Variants in FSHR observed in about 807,000 individuals in gnomAD.
FSHR encodes the protein follicle-stimulating hormone receptor.
Under a neutral mutation model 52.1 loss-of-function variants are expected in FSHR, and 46 were observed. That is an observed-to-expected ratio of 0.88 (90% CI 0.70 to 1.13). The LOEUF (loss-of-function observed/expected upper bound fraction) is 1.13. FSHR is among the 50% of genes most tolerant of loss of function. The pLI is 0.00. For missense variants in FSHR, 964 were observed against 834.6 expected (o/e 1.16, Z -1.91); for synonymous variants, 399 against 309.6 (o/e 1.29, Z -3.03).
In FSHR at chr2:49,151,129, T is replaced by C. The variant is rs1015576156; in HGVS notation, c.152+3137A>G. ...TAAAGCTGACTTCTGGTTTAAAATG[T>C]AAAGGATTACTCTTTTTTTTTTTTT... On this transcript the variant is annotated intron_variant, in intron 1 of 9. Transcript: ENST00000406846. 3.4e-5 allele frequency among the ~76,000 whole-genome samples: 5 copies of C among 148,310 alleles called. No homozygotes were observed. In the Admixed American group the frequency reaches 3.4e-4, roughly 10 times the overall value.
chr2:48,971,314 A>C (rs1674729805), intron 8 of FSHR, among the ~76,000 whole-genome samples: 1 of 152,210 alleles, frequency 6.6e-6, no homozygotes, highest in African/African-American at 2.4e-5. Context: ...GTAAAAGTGC[A>C]AATCTCATCC....
chr2:49,063,610 C>T (rs1669394167), intron 2 of FSHR, among the ~76,000 whole-genome samples: 2 of 151,910 alleles, frequency 1.3e-5, no homozygotes, highest in African/African-American at 4.8e-5. Context: ...TATGTGGAAG[C>T]TAAAAAAGTC....
intron 1 of FSHR, among the ~76,000 whole-genome samples, chr2:49,101,055 T>C (rs886142013): frequency 7.2e-5 from 11 of 152,158 alleles, no homozygotes; most frequent in Admixed American, 2.0e-4. Context: ...GGTGTAATCA[T>C]TGAGAGGTCA....
chr2:49,068,439 C>T (rs1669594759), intron 1 of FSHR, 149 bp from the exon 2 acceptor site: 1 of 708,074 alleles, frequency 1.4e-6, no homozygotes, highest in Non-Finnish European at 2.5e-6. Context: ...CTCTTTTCAT[C>T]CTGTCTACAA....
At chr2:48,976,709 G>T (rs1267853558) in intron 8 of FSHR, among the ~76,000 whole-genome samples, 1 of 152,094 alleles carries the variant, frequency 6.6e-6, no homozygotes, top group Non-Finnish European at 1.5e-5. Context: ...GATTAGTCTT[G>T]GAATGGTGTA....
chr2:49,115,867 C>T (rs954495277), intron 1 of FSHR, among the ~76,000 whole-genome samples: 1 of 151,978 alleles, frequency 6.6e-6, no homozygotes, highest in Non-Finnish European at 1.5e-5. Context: ...GGGAATACTG[C>T]AATTTGGTGT....
At chr2:48,986,437 G>C (rs958956724) in intron 6 of FSHR, among the ~76,000 whole-genome samples, 1 of 139,390 alleles carries the variant, frequency 7.2e-6, no homozygotes, top group Admixed American at 7.8e-5. Context: ...TGTCCCCATG[G>C]GAAGAAAACA....
intron 9 of FSHR, among the ~76,000 whole-genome samples, chr2:48,967,251 A>C (rs2300442): frequency 0.094 from 14,331 of 152,114 alleles, 950 homozygotes; most frequent in East Asian, 0.24. Context: ...ATGCGCCACC[A>C]CACATGGCTA....
intron 2 of FSHR, among the ~76,000 whole-genome samples, chr2:49,020,716 A>T (rs1404901954): frequency 6.6e-6 from 1 of 152,188 alleles, no homozygotes; most frequent in Admixed American, 6.5e-5. Flanking sequence ...GTTCAGTGAC[A>T]CTGTCCTAGA....
chr2:49,012,156 G>GT (rs1667300161), intron 4 of FSHR, among the ~76,000 whole-genome samples: 1 of 152,102 alleles, frequency 6.6e-6, no homozygotes, highest in South Asian at 2.1e-4. Flanking sequence ...TGGAATTATG[G>GT]TTTATTGAGC....
chr2:48,967,318 C>T (rs144962384), intron 9 of FSHR, among the ~76,000 whole-genome samples: 1,842 of 152,178 alleles, frequency 0.012, 40 homozygotes, highest in Middle Eastern at 0.041. Context: ...AGGCTGGTCT[C>T]AAACTCCTGG....
intron 1 of FSHR, among the ~76,000 whole-genome samples, chr2:49,132,967 G>A (rs972085998): frequency 3.5e-5 from 1 of 28,346 alleles, no homozygotes; most frequent in South Asian, 1.1e-3. Context: ...TTAAAACTCA[G>A]TAAAAAAAAA....
At chr2:48,978,677 A>C (rs149637282) in intron 8 of FSHR, among the ~76,000 whole-genome samples, 39 of 152,350 alleles carry the variant, frequency 2.6e-4, no homozygotes, top group African/African-American at 9.4e-4. Flanking sequence ...ATGGCTGCTG[A>C]TGTTCAAGGT....
chr2:49,072,948 C>A (rs1669792284), intron 1 of FSHR, among the ~76,000 whole-genome samples: 1 of 152,138 alleles, frequency 6.6e-6, no homozygotes, highest in East Asian at 1.9e-4. Context: ...TTCATTATGA[C>A]CTTGTTGATC....
At chr2:48,990,514 G>T in intron 5 of FSHR, 52 bp downstream of exon 5, 1 of 1,183,352 alleles carries the variant, frequency 8.5e-7, no homozygotes, top group Non-Finnish European at 1.3e-6. Flanking sequence ...TAGCCGTTGG[G>T]CAAGACAGAT....
chr2:48,975,083 G>A (rs1674927376), intron 8 of FSHR, among the ~76,000 whole-genome samples: 1 of 152,174 alleles, frequency 6.6e-6, no homozygotes, highest in African/African-American at 2.4e-5. Flanking sequence ...GTGTCAACTT[G>A]AGGGGATTAA....
chr2:49,077,203 C>T, intron 1 of FSHR, among the ~76,000 whole-genome samples: 1 of 152,258 alleles, frequency 6.6e-6, no homozygotes, highest in Non-Finnish European at 1.5e-5. Context: ...TGTTTCCATA[C>T]ATCTTCTGAA....
At chr2:49,086,003 A>C (rs951756627) in intron 1 of FSHR, among the ~76,000 whole-genome samples, 1 of 152,042 alleles carries the variant, frequency 6.6e-6, no homozygotes, top group Admixed American at 6.6e-5. Context: ...TAGGAGATAT[A>C]CCTAATGCTA....
At chr2:49,025,957 A>C (rs1006492203) in intron 2 of FSHR, among the ~76,000 whole-genome samples, 1 of 152,182 alleles carries the variant, frequency 6.6e-6, no homozygotes, top group East Asian at 1.9e-4. Flanking sequence ...GAGAGGCTCA[A>C]TTCAAGGTGG....
Sources: allele counts gnomAD v4.1 joint callset (sites outside exome capture counted in the v4.1 genomes callset), GRCh38; gene constraint gnomAD v4.1.1; transcripts MANE v1.5; gene names NCBI Gene and HGNC (gene_info 2026-07-23, HGNC 2026-07-21).